The following PTCHD4 variants were observed in gnomAD, a reference collection of about 807,000 sequenced individuals.
PTCHD4 encodes patched domain containing 4.
PTCHD4 carries 33 observed loss-of-function variants against 58.1 expected under a neutral mutation model. The observed-to-expected ratio is 0.57, with a 90% CI of 0.43 to 0.76. The LOEUF is 0.76. PTCHD4 is among the 30% of genes least tolerant of loss of function. PTCHD4 has a pLI of 0.00. For synonymous variants in PTCHD4, 478 were observed against 409.6 expected (o/e 1.17, Z -2.02); for missense variants, 1,058 against 1,027.1 (o/e 1.03, Z -0.41).
Position 47,866,627 on chromosome 6 carries a change from A to G in PTCHD4, c.*11676T>C, listed in dbSNP as rs752621564. 6.6e-6 allele frequency among the ~76,000 whole-genome samples: 1 copy of G among 151,860 alleles called. No homozygotes were observed. Among genetic ancestry groups the G allele is most frequent in the Non-Finnish European group, 1.5e-5 (1 of 67,866 alleles). On this transcript the variant is annotated 3_prime_UTR_variant, in exon 5 of 5. Coordinates refer to ENST00000339488, the MANE Select transcript of PTCHD4 (RefSeq NM_001384253.1). ...CTTATCTATAACTCTAAAAAGCATA[A>G]TTAGGAAATGCTTTTTTCAGGTTTA...
chr6:48,015,328 C>G (rs1203852990), intron 3 of PTCHD4, among the ~76,000 whole-genome samples: 1 of 151,876 alleles, frequency 6.6e-6, no homozygotes, highest in African/African-American at 2.4e-5. Flanking sequence ...CAACATCATC[C>G]CTACACCTAA....
intron 3 of PTCHD4, among the ~76,000 whole-genome samples, chr6:48,021,433 T>C (rs1242735680): frequency 6.6e-6 from 1 of 152,190 alleles, no homozygotes; most frequent in African/African-American, 2.4e-5. Context: ...GGTATTGAAC[T>C]TGACTTCTGA....
At chr6:47,993,410 C>T (rs1768353869) in intron 4 of PTCHD4, among the ~76,000 whole-genome samples, 2 of 152,208 alleles carry the variant, frequency 1.3e-5, no homozygotes, top group African/African-American at 4.8e-5. Context: ...GCCCTCAAGA[C>T]TTCCACTTGG....
chr6:48,063,712 A>C (rs1041399903), intron 3 of PTCHD4, among the ~76,000 whole-genome samples: 1 of 152,222 alleles, frequency 6.6e-6, no homozygotes, highest in African/African-American at 2.4e-5. Flanking sequence ...GTAGGATACA[A>C]ACTGAACATT....
rs891065908 is a variant in PTCHD4, at chr6:48,086,142, T to C, written c.-969-16216A>G. On this transcript the variant is annotated intron_variant, in intron 1 of 4. Coordinates refer to ENST00000339488, the MANE Select transcript of PTCHD4 (RefSeq NM_001384253.1). ...AGTGCAAAGCAATAAGAGTGCAAAA[T>C]ATGGTCTGTGTCACATACTCGACTC... 7.9e-5 allele frequency among the ~76,000 whole-genome samples: 12 copies of C among 152,140 alleles called. No individual in the cohort carries two copies. The East Asian group carries it at 2.3e-3, about 29-fold the overall frequency.
At chr6:48,035,883 C>T (rs1005228657) in intron 3 of PTCHD4, among the ~76,000 whole-genome samples, 2 of 152,096 alleles carry the variant, frequency 1.3e-5, no homozygotes, top group African/African-American at 4.8e-5. Context: ...GCTATAAATT[C>T]GCACTTTCGT....
At chr6:47,955,567 G>A (rs1031838984) in intron 4 of PTCHD4, among the ~76,000 whole-genome samples, 18 of 152,172 alleles carry the variant, frequency 1.2e-4, no homozygotes, top group Non-Finnish European at 2.1e-4. Flanking sequence ...TGGAGTGTAG[G>A]AAACCTTTCA....
chr6:47,944,309 A>G (rs1345687315), intron 4 of PTCHD4, among the ~76,000 whole-genome samples: 1 of 152,132 alleles, frequency 6.6e-6, no homozygotes, highest in Non-Finnish European at 1.5e-5. Context: ...CCCCTAAACA[A>G]TAACAAATTA....
Position 47,868,893 on chromosome 6 carries a change from A to C in PTCHD4, c.*9410T>G, listed in dbSNP as rs1763644375. Among the ~76,000 whole-genome samples the C allele has an allele frequency of 6.6e-6, 1 of 151,782 alleles. No individual in the cohort carries two copies. On this transcript the variant is annotated 3_prime_UTR_variant, in exon 5 of 5. Transcript: ENST00000339488. The stretch of plus-strand genomic sequence containing the variant: ...ACTAAATTTGGACAGGAAAATGGCT[A>C]TTGAATAAGTCCAAACATTTCCAGG...
At chr6:48,059,060 C>T (rs1222665539) in intron 3 of PTCHD4, among the ~76,000 whole-genome samples, 9 of 152,198 alleles carry the variant, frequency 5.9e-5, no homozygotes, top group Admixed American at 5.9e-4. Flanking sequence ...ACTTAACCCA[C>T]TAGCATTTGT....
chr6:48,110,482 A>G (rs1158567136), intron 1 of PTCHD4, among the ~76,000 whole-genome samples: 1 of 152,040 alleles, frequency 6.6e-6, no homozygotes, highest in Non-Finnish European at 1.5e-5. Context: ...GAGAGGAGGG[A>G]GGGGAAGGAA....
intron 4 of PTCHD4, among the ~76,000 whole-genome samples, chr6:47,882,200 A>T (rs1561937863): frequency 6.6e-6 from 1 of 152,114 alleles, no homozygotes; most frequent in Non-Finnish European, 1.5e-5. Flanking sequence ...CTATCTTTGT[A>T]GTCACAAGGT....
In PTCHD4 at chr6:48,003,678, T is replaced by C. The variant is rs1768828202; in HGVS notation, c.898+4956A>G. On this transcript the variant is annotated intron_variant, in intron 4 of 4. Coordinates refer to ENST00000339488, the MANE Select transcript of PTCHD4 (RefSeq NM_001384253.1). ...TAAAGTATGTCAGACCACACCCTCT[T>C]GTCTCAAAATACTTCAAACAGCTTT... is the stretch of plus-strand genomic sequence containing the variant. Among the ~76,000 whole-genome samples, 3 of 152,320 alleles carry C rather than the reference T, an allele frequency of 2.0e-5. 1 individual carries two copies. In the South Asian group the frequency reaches 6.2e-4, roughly 32 times the overall value.
Position 48,071,919 on chromosome 6 carries a change from G to T in PTCHD4, c.-969-1993C>A, listed in dbSNP as rs114756840. On this transcript the variant is annotated intron_variant, in intron 1 of 4. Coordinates refer to ENST00000339488, the MANE Select transcript of PTCHD4 (RefSeq NM_001384253.1). Reference sequence around the variant, plus strand: ...TTGTCTGATGTTTTTCTCATGATTAGTCTGGGGCTAGGAGATTTTTGGGAC... The same window carrying T: ...TTGTCTGATGTTTTTCTCATGATTATTCTGGGGCTAGGAGATTTTTGGGAC... Among the ~76,000 whole-genome samples, 718 of 152,288 alleles carry T rather than the reference G, an allele frequency of 4.7e-3. 6 individuals carry two copies. The highest frequency in any genetic ancestry group is 0.016 in the African/African-American group (647 of 41,558).
At chr6:47,960,290 TG>T (rs1325776173) in intron 4 of PTCHD4, among the ~76,000 whole-genome samples, 3 of 151,936 alleles carry the variant, frequency 2.0e-5, no homozygotes, top group Admixed American at 6.6e-5. Context: ...ATAGAAAAGA[TG>T]AAAAAGGGAA....
At chr6:48,020,508 T>C (rs1251787106) in intron 3 of PTCHD4, among the ~76,000 whole-genome samples, 1 of 151,942 alleles carries the variant, frequency 6.6e-6, no homozygotes, top group African/African-American at 2.4e-5. Flanking sequence ...TTTGCTACTT[T>C]CGTTGGCAAA....
At chr6:47,942,339 GA>G (rs1259974527) in intron 4 of PTCHD4, among the ~76,000 whole-genome samples, 1 of 152,128 alleles carries the variant, frequency 6.6e-6, no homozygotes, top group Non-Finnish European at 1.5e-5. Flanking sequence ...TGCATTTAAA[GA>G]AAAATAATTT....
chr6:48,082,390 G>T (rs1177100563), intron 1 of PTCHD4, among the ~76,000 whole-genome samples: 1 of 152,156 alleles, frequency 6.6e-6, no homozygotes, highest in African/African-American at 2.4e-5. Flanking sequence ...CAATTCCTCA[G>T]TCATTTCTGA....
rs1763440630 is a variant in PTCHD4, at chr6:47,862,019, A to T, written c.*16284T>A. On this transcript the variant is annotated 3_prime_UTR_variant, in exon 5 of 5. Coordinates refer to ENST00000339488, the MANE Select transcript of PTCHD4 (RefSeq NM_001384253.1). Reference sequence around the variant, plus strand: ...CGACTTTTAGCTGTGACTTCCTATTATTGAACATAACCCAGTACTCTAAGT... The same window carrying T: ...CGACTTTTAGCTGTGACTTCCTATTTTTGAACATAACCCAGTACTCTAAGT... Among the ~76,000 whole-genome samples, 1 of 151,896 alleles carries T rather than the reference A, an allele frequency of 6.6e-6. No homozygotes were observed. The highest frequency in any genetic ancestry group is 1.5e-5 in the Non-Finnish European group (1 of 67,874).
Sources: gnomAD v4.1 joint callset for allele counts (sites outside exome capture counted in the v4.1 genomes callset) on GRCh38, gnomAD v4.1.1 for gene constraint, MANE v1.5 for transcripts, NCBI Gene and HGNC (gene_info 2026-07-23, HGNC 2026-07-21) for gene names.